The following ADAMTS18 variants were observed in gnomAD, a reference collection of about 807,000 sequenced individuals.
ADAMTS18 encodes A disintegrin and metalloproteinase with thrombospondin motifs 18.
ADAMTS18 carries 157 observed loss-of-function variants against 165.9 expected under a neutral mutation model. The observed-to-expected ratio is 0.95, with a 90% CI of 0.83 to 1.08. The LOEUF is 1.08. Among genes scored for constraint, ADAMTS18 ranks in the 50% least tolerant of loss-of-function variants. The probability of loss-of-function intolerance (pLI) is 0.00; values close to 1 mark genes in which losing one functional copy is unlikely to be tolerated. For synonymous variants in ADAMTS18, 782 were observed against 578.2 expected (o/e 1.35, Z -5.06); for missense variants, 2,040 against 1,534.0 (o/e 1.33, Z -5.51).
At chr16:77,331,977 T>C (rs996482407) in intron 12 of ADAMTS18, among the ~76,000 whole-genome samples, 3 of 152,198 alleles carry the variant, frequency 2.0e-5, no homozygotes, top group Non-Finnish European at 4.4e-5. Flanking sequence ...TCTAGTGTCA[T>C]TATTTCTCAA....
intron 3 of ADAMTS18, among the ~76,000 whole-genome samples, chr16:77,414,690 T>C (rs993994253): frequency 6.6e-6 from 1 of 152,186 alleles, no homozygotes; most frequent in African/African-American, 2.4e-5. Context: ...GTTGTCATTA[T>C]TTAAAAATAA....
chr16:77,295,096 T>TG lies in ADAMTS18; in HGVS notation c.2832dup (p.Lys945GlnfsTer71), dbSNP rs1483989026. 1 of 1,614,192 alleles carries TG rather than the reference T, an allele frequency of 6.2e-7. No homozygotes were observed. The highest frequency in any genetic ancestry group is 8.5e-7 in the Non-Finnish European group (1 of 1,180,030). On this transcript the variant is annotated frameshift_variant, in exon 19 of 23. Transcript: ENST00000282849. LOFTEE classifies it high-confidence loss of function. Reference sequence around the variant, plus strand: ...CTCTGCTGGCCTCCAGCACAGGCCTTGCTGCATGTACTCCATTCACCTGGC... The same window carrying TG: ...CTCTGCTGGCCTCCAGCACAGGCCTTGGCTGCATGTACTCCATTCACCTGGC...
intron 3 of ADAMTS18, among the ~76,000 whole-genome samples, chr16:77,374,178 C>T (rs1011107764): frequency 6.7e-6 from 1 of 149,410 alleles, no homozygotes; most frequent in East Asian, 2.0e-4. Context: ...GAGATTGCAC[C>T]ACTACATTCC....
At position 77,431,989 on chromosome 16, in the gene ADAMTS18, G is replaced by A. The variant is rs149625031; in HGVS notation, c.179-378C>T. Among the ~76,000 whole-genome samples, 154 of 152,182 alleles carry A rather than the reference G, an allele frequency of 1.0e-3. 1 individual carries two copies. Among genetic ancestry groups the A allele is most frequent in the African/African-American group, 3.5e-3 (144 of 41,526 alleles). On this transcript the variant is annotated intron_variant, in intron 2 of 22. Coordinates refer to ENST00000282849, the MANE Select transcript of ADAMTS18 (RefSeq NM_199355.4). ...ATATATAAAATTTAATTTTTTTGAA[G>A]ATAAAGTTAATAAACATAAAACTAC...
chr16:77,388,182 C>T (rs1211936719), intron 3 of ADAMTS18, among the ~76,000 whole-genome samples: 1 of 152,220 alleles, frequency 6.6e-6, no homozygotes, highest in South Asian at 2.1e-4. Flanking sequence ...TCACTGCAAC[C>T]TCCGCCTCCT....
chr16:77,373,415 C>T (rs1597189104), intron 3 of ADAMTS18, among the ~76,000 whole-genome samples: 1 of 149,886 alleles, frequency 6.7e-6, no homozygotes, highest in African/African-American at 2.5e-5. Flanking sequence ...GCTGAGATCA[C>T]ACCACTGCAC....
In ADAMTS18 at chr16:77,434,401, G is replaced by A. The variant is rs544515269; in HGVS notation, c.178+17C>T. On this transcript the variant is annotated intron_variant, in intron 2 of 22. Coordinates refer to ENST00000282849, the MANE Select transcript of ADAMTS18 (RefSeq NM_199355.4). The stretch of plus-strand genomic sequence containing the variant: ...GCTGCGAAAGGCCCTTCTTGGGGAT[G>A]GGGGGCAAATACGAACCATCATTTA... 1.3e-5 allele frequency: 21 copies of A among 1,562,674 alleles called. No homozygotes were observed. Among genetic ancestry groups the A allele is most frequent in the Admixed American group, 1.8e-5 (1 of 54,778 alleles).
chr16:77,316,768 C>G (rs1444809590), intron 16 of ADAMTS18, among the ~76,000 whole-genome samples: 1 of 152,150 alleles, frequency 6.6e-6, no homozygotes, highest in East Asian at 1.9e-4. Flanking sequence ...CTCCCAAGCT[C>G]AAATGATTCT....
chr16:77,377,603 T>G (rs1216654058), intron 3 of ADAMTS18, among the ~76,000 whole-genome samples: 4 of 152,232 alleles, frequency 2.6e-5, no homozygotes, highest in Non-Finnish European at 2.9e-5. Flanking sequence ...TAAAGACTAA[T>G]TCACAGATAG....
chr16:77,352,165 G>GA (rs1477685875), intron 10 of ADAMTS18, among the ~76,000 whole-genome samples: 5 of 151,710 alleles, frequency 3.3e-5, no homozygotes, highest in Admixed American at 2.0e-4. Context: ...AACTGTAATA[G>GA]AAAAAAAATG....
intron 6 of ADAMTS18, among the ~76,000 whole-genome samples, chr16:77,363,203 T>C (rs1016111187): frequency 1.3e-5 from 2 of 152,192 alleles, no homozygotes; most frequent in African/African-American, 4.8e-5. Context: ...AACACTTTAT[T>C]ACATGTTCTG....
intron 3 of ADAMTS18, among the ~76,000 whole-genome samples, chr16:77,370,632 C>T (rs546765020): frequency 4.6e-4 from 70 of 152,102 alleles, no homozygotes; most frequent in African/African-American, 1.6e-3. Context: ...CATCTGTAGT[C>T]GCAACTACTC....
chr16:77,297,341 T>A lies in ADAMTS18; in HGVS notation c.2749A>T (p.Thr917Ser), dbSNP rs775345773. 7 of 1,613,854 alleles carry A rather than the reference T, an allele frequency of 4.3e-6. No individual in the cohort carries two copies. The East Asian group carries it at 1.6e-4, about 36-fold the overall frequency. ...QVNSSFCSAK[T>S]KPVTEPKICN... ...ATTTTGGGCTCAGTTACTGGCTTGG[T>A]TTTTGCACTGCAGAATGAGGAATTG... The change falls in exon 18 of 23, where the codon ACC becomes TCC. Residue 917 changes from threonine (T) to serine (S), a missense_variant. Physicochemically the swap from Thr to Ser is moderately conservative, Grantham distance 58. Coordinates refer to ENST00000282849, the MANE Select transcript of ADAMTS18 (RefSeq NM_199355.4).
At chr16:77,294,075 CAGA>C (rs1053359379) in intron 19 of ADAMTS18, among the ~76,000 whole-genome samples, 2 of 152,236 alleles carry the variant, frequency 1.3e-5, no homozygotes, top group South Asian at 2.1e-4. Context: ...AAGGAAAACA[CAGA>C]AGAACTGTCA....
chr16:77,428,377 C>T (rs2057699398), intron 3 of ADAMTS18, among the ~76,000 whole-genome samples: 1 of 152,002 alleles, frequency 6.6e-6, no homozygotes, highest in African/African-American at 2.4e-5. Flanking sequence ...CCTGATTAAC[C>T]AAAGAAGCTG....
At position 77,367,553 on chromosome 16, in the gene ADAMTS18, C is replaced by G. The variant is rs745896522; in HGVS notation, c.666G>C (p.Arg222=). The part of the protein sequence containing the change: ...QRYRGYPGSG[R]NYPGYSPSHI... ...GACTTGGGGAGTAACCAGGATAATT[C>G]CGGCCAGAGCCGGGGTAGCCACGGT... The change falls in exon 4 of 23, where the codon CGG becomes CGC. Residue 222 remains arginine, a synonymous_variant. Coordinates refer to ENST00000282849, the MANE Select transcript of ADAMTS18 (RefSeq NM_199355.4). The G allele has an allele frequency of 5.6e-6, 9 of 1,614,216 alleles. No homozygotes were observed. Among genetic ancestry groups the G allele is most frequent in the Non-Finnish European group, 6.8e-6 (8 of 1,180,042 alleles).
At chr16:77,418,956 C>G (rs1597251748) in intron 3 of ADAMTS18, among the ~76,000 whole-genome samples, 2 of 152,318 alleles carry the variant, frequency 1.3e-5, no homozygotes, top group East Asian at 3.9e-4. Flanking sequence ...CGAGATCAGC[C>G]TGGCCAACGT....
Position 77,320,034 on chromosome 16 carries a change from G to T in ADAMTS18, c.2347C>A (p.Gln783Lys). 6.2e-7 allele frequency: 1 copy of T among 1,614,140 alleles called. No homozygotes were observed. Among genetic ancestry groups the T allele is most frequent in the Middle Eastern group, 1.6e-4 (1 of 6,062 alleles). The change falls in exon 16 of 23, where the codon CAG (glutamine) becomes AAG (lysine). Residue 783 changes from glutamine to lysine, a missense_variant. Physicochemically the swap from Gln to Lys is moderately conservative, Grantham distance 53 (BLOSUM62 1). Transcript: ENST00000282849. ...ACTGCGAGGTAACTGGAGGAAACCTGCAGCTCCTGGATTTCGATGCTTCGG... is the reference window on the plus strand; with the variant it reads ...ACTGCGAGGTAACTGGAGGAAACCTTCAGCTCCTGGATTTCGATGCTTCGG... ...GARSIEIQELQVSSSYLAVRS... is the reference protein window; with the variant it reads ...GARSIEIQELKVSSSYLAVRS...
intron 21 of ADAMTS18, chr16:77,291,041 C>A: frequency 2.0e-6 from 1 of 502,846 alleles, no homozygotes; most frequent in South Asian, 2.3e-5. Flanking sequence ...TGAACAAAAA[C>A]AAATCAACTC....
Sources: allele counts gnomAD v4.1 joint callset (sites outside exome capture counted in the v4.1 genomes callset), GRCh38; gene constraint gnomAD v4.1.1; transcripts MANE v1.5; gene names NCBI Gene and HGNC (gene_info 2026-07-23, HGNC 2026-07-21).